Variants in IL1RAPL2 observed in about 807,000 individuals in gnomAD.
The protein encoded by IL1RAPL2 is X-linked interleukin-1 receptor accessory protein-like 2.
Under a neutral mutation model 44.1 loss-of-function variants are expected in IL1RAPL2, and 3 were observed. That is an observed-to-expected ratio of 0.07 (90% CI 0.03 to 0.18). The LOEUF is 0.18. Ranked by LOEUF, IL1RAPL2 falls within the 10% of genes least tolerant of loss-of-function variation. IL1RAPL2 has a pLI of 1.00. For synonymous variants in IL1RAPL2, 181 were observed against 178.8 expected, an observed-to-expected ratio of 1.01 and a Z score of -0.10; for missense variants, 391 against 496.4, an observed-to-expected ratio of 0.79 and a Z score of 2.02.
intron 6 of IL1RAPL2, among the ~76,000 whole-genome samples, chrX:105,685,685 T>A (rs1367094000): frequency 9.0e-6 from 1 of 111,048 alleles, no homozygotes; most frequent in Non-Finnish European, 1.9e-5. Context: ...ACATTCAAAT[T>A]CAGGAAATAC....
chrX:105,252,932 A>G (rs1481009418), intron 4 of IL1RAPL2, among the ~76,000 whole-genome samples: 1 of 91,342 alleles, frequency 1.1e-5, no homozygotes, highest in Non-Finnish European at 1.9e-5. Context: ...GAGCAAAATT[A>G]TTTGGAACTT....
intron 3 of IL1RAPL2, chrX:105,220,411 T>C (rs782305872): frequency 4.5e-5 from 52 of 1,160,757 alleles, no homozygotes; most frequent in South Asian, 4.4e-4. Context: ...CGCCTAGGGG[T>C]TTAACGGTTT....
rs1160352811 is a variant in IL1RAPL2 at position 105,739,518 on chromosome X, T to G, written c.903-1028T>G. Reference sequence around the variant, plus strand: ...CCCCCCTCCCCCCACCCCACAACAGTCCCCAGAGTGTGATATTCCCCTTCC... The same window carrying G: ...CCCCCCTCCCCCCACCCCACAACAGGCCCCAGAGTGTGATATTCCCCTTCC... On this transcript the variant is annotated intron_variant, in intron 7 of 10. Coordinates refer to ENST00000372582, the MANE Select transcript of IL1RAPL2 (RefSeq NM_017416.2). Among the ~76,000 whole-genome samples the G allele has an allele frequency of 5.8e-5, 4 of 68,855 alleles. No homozygotes were observed. The South Asian group carries it at 3.3e-3, about 56-fold the overall frequency. 59.8% of individuals were successfully genotyped at this position (68,855 alleles called of 115,157 possible). A position where few individuals can be genotyped will look rare whatever the true frequency, so the allele number is the denominator to read the frequency against.
At chrX:105,185,650 A>G (rs941480362) in intron 2 of IL1RAPL2, among the ~76,000 whole-genome samples, 12 of 111,718 alleles carry the variant, frequency 1.1e-4, no homozygotes, top group Non-Finnish European at 1.9e-4. Flanking sequence ...GCTCTCTACT[A>G]TTTTCAGTAC....
chrX:105,590,813 TTG>T (rs199802193), intron 6 of IL1RAPL2, among the ~76,000 whole-genome samples: 36,325 of 96,700 alleles, frequency 0.38, 5,322 homozygotes, highest in African/African-American at 0.45. Flanking sequence ...TGGCCTGAAT[TTG>T]TGTGTGTGTG....
chrX:105,541,526 G>C (rs898286672), intron 6 of IL1RAPL2, among the ~76,000 whole-genome samples: 3 of 111,546 alleles, frequency 2.7e-5, no homozygotes, highest in African/African-American at 9.8e-5. Context: ...TCTGGACAAA[G>C]TAGTTGGGGC....
At chrX:104,903,724 C>G (rs778609276) in intron 2 of IL1RAPL2, among the ~76,000 whole-genome samples, 2 of 110,062 alleles carry the variant, frequency 1.8e-5, no homozygotes, top group Non-Finnish European at 3.8e-5. Flanking sequence ...ACTACAGGCA[C>G]GCATCACCAT....
At chrX:105,555,847 T>C (rs1042076524) in intron 6 of IL1RAPL2, among the ~76,000 whole-genome samples, 1 of 111,841 alleles carries the variant, frequency 8.9e-6, no homozygotes, top group Non-Finnish European at 1.9e-5. Flanking sequence ...GAAAGATTAT[T>C]GGGAGTTTCA....
chrX:105,399,340 A>T (rs1464015305), intron 5 of IL1RAPL2, among the ~76,000 whole-genome samples: 1 of 111,468 alleles, frequency 9.0e-6, no homozygotes, highest in Non-Finnish European at 1.9e-5. Context: ...TGTCCTTATA[A>T]GCAGTGTATA....
chrX:104,923,048 G>T (rs1924683590), intron 2 of IL1RAPL2, among the ~76,000 whole-genome samples: 1 of 111,185 alleles, frequency 9.0e-6, no homozygotes, highest in Non-Finnish European at 1.9e-5. Flanking sequence ...AAACCAAGCA[G>T]AAGAAAGAAT....
At chrX:105,021,889 G>A (rs949370610) in intron 2 of IL1RAPL2, among the ~76,000 whole-genome samples, 1 of 111,160 alleles carries the variant, frequency 9.0e-6, no homozygotes, top group African/African-American at 3.3e-5. Context: ...ATATAGAGCT[G>A]GAGATACATA....
At chrX:105,728,555 G>A (rs571498076) in intron 7 of IL1RAPL2, among the ~76,000 whole-genome samples, 84 of 111,043 alleles carry the variant, frequency 7.6e-4, no homozygotes, top group Middle Eastern at 4.6e-3. Context: ...ATAGCTTTAG[G>A]GTTACAAAGA....
chrX:105,492,028 C>T (rs1360407073), intron 6 of IL1RAPL2, among the ~76,000 whole-genome samples: 1 of 111,721 alleles, frequency 9.0e-6, no homozygotes, highest in African/African-American at 3.2e-5. Flanking sequence ...TATTGAGATA[C>T]TGATACAAGT....
chrX:104,702,724 T>C (rs2147553110), intron 2 of IL1RAPL2, among the ~76,000 whole-genome samples: 1 of 110,347 alleles, frequency 9.1e-6, no homozygotes, highest in South Asian at 3.9e-4. Context: ...TGGTGGTGTA[T>C]GTGTGTGTGT....
intron 2 of IL1RAPL2, among the ~76,000 whole-genome samples, chrX:104,972,337 A>G (rs2030252481): frequency 9.0e-6 from 1 of 111,690 alleles, no homozygotes; most frequent in Non-Finnish European, 1.9e-5. Context: ...AGTGGGTGCA[A>G]AAGATAGAAT....
At chrX:105,177,589 C>A (rs2033487251) in intron 2 of IL1RAPL2, among the ~76,000 whole-genome samples, 1 of 110,414 alleles carries the variant, frequency 9.1e-6, no homozygotes, top group Admixed American at 9.7e-5. Flanking sequence ...ATTGCAAAGG[C>A]CTGTAGGCTA....
intron 2 of IL1RAPL2, among the ~76,000 whole-genome samples, chrX:104,953,068 G>GT (rs1178281905): frequency 1.6e-4 from 17 of 108,792 alleles, no homozygotes; most frequent in South Asian, 3.9e-4. Flanking sequence ...CAAAAGGAAA[G>GT]TTTTTTTTTT....
At chrX:104,643,562 A>AT (rs1258340501) in intron 1 of IL1RAPL2, among the ~76,000 whole-genome samples, 3 of 111,140 alleles carry the variant, frequency 2.7e-5, no homozygotes, top group East Asian at 2.8e-4. Flanking sequence ...GGAAAATATC[A>AT]TTTTTTTCAC....
At chrX:105,257,725 T>C (rs763620665) in intron 4 of IL1RAPL2, among the ~76,000 whole-genome samples, 3 of 112,596 alleles carry the variant, frequency 2.7e-5, no homozygotes, top group Non-Finnish European at 5.6e-5. Flanking sequence ...GTTTGAAATC[T>C]GCTTTGTCTG....
Sources: gnomAD v4.1 joint callset for allele counts (sites outside exome capture counted in the v4.1 genomes callset) on GRCh38, gnomAD v4.1.1 for gene constraint, MANE v1.5 for transcripts, NCBI Gene and HGNC (gene_info 2026-07-23, HGNC 2026-07-21) for gene names.